The following YAP1 variants were observed in gnomAD, a reference collection of about 807,000 sequenced individuals.
The protein encoded by YAP1 is transcriptional coactivator YAP1.
Under a neutral mutation model 56.9 loss-of-function variants are expected in YAP1, and 5 were observed. That is an observed-to-expected ratio of 0.09 (90% confidence interval 0.05 to 0.18). The LOEUF is 0.18. YAP1 is among the 10% of genes least tolerant of loss of function. YAP1 has a pLI of 1.00. For synonymous variants in YAP1, 265 were observed against 248.1 expected (o/e 1.07, Z -0.64); for missense variants, 539 against 651.8 (o/e 0.83, Z 1.88).
intron 4 of YAP1, among the ~76,000 whole-genome samples, chr11:102,192,782 T>C (rs1475904775): frequency 6.6e-6 from 1 of 152,246 alleles, no homozygotes; most frequent in Admixed American, 6.5e-5. Context: ...TTTTGAACTA[T>C]TTATTGCACC....
chr11:102,169,550 A>G (rs1364615279), intron 3 of YAP1, among the ~76,000 whole-genome samples: 1 of 152,262 alleles, frequency 6.6e-6, no homozygotes, highest in Non-Finnish European at 1.5e-5. Flanking sequence ...GCCCAAAGTC[A>G]GAGCAATGAA....
At chr11:102,199,862 A>T (rs370238285) in intron 4 of YAP1, among the ~76,000 whole-genome samples, 3 of 152,352 alleles carry the variant, frequency 2.0e-5, no homozygotes. Context: ...GCCCTGGCCT[A>T]GGACAATGTT....
chr11:102,122,138 G>T (rs10895259), intron 2 of YAP1, among the ~76,000 whole-genome samples: 57,595 of 151,950 alleles, frequency 0.38, 11,142 homozygotes, highest in Admixed American at 0.45. Flanking sequence ...AGAGAAAGGG[G>T]GCCTGGCGCA....
At chr11:102,198,426 T>G (rs981438845) in intron 4 of YAP1, among the ~76,000 whole-genome samples, 4 of 152,242 alleles carry the variant, frequency 2.6e-5, no homozygotes, top group African/African-American at 7.2e-5. Context: ...TCACCAAGAA[T>G]GTATGTTATT....
chr11:102,219,197 A>G (rs1949803214), intron 6 of YAP1, among the ~76,000 whole-genome samples: 1 of 152,158 alleles, frequency 6.6e-6, no homozygotes, highest in Non-Finnish European at 1.5e-5. Context: ...GGAGTCTATA[A>G]TTTTATTCAT....
intron 3 of YAP1, 28 bp from the exon 4 acceptor site, chr11:102,185,990 G>A (rs753039074): frequency 2.7e-6 from 4 of 1,490,142 alleles, no homozygotes; most frequent in East Asian, 4.8e-5. Context: ...TAAAAACCAT[G>A]ATTTTTTTTT....
intron 3 of YAP1, among the ~76,000 whole-genome samples, chr11:102,166,540 T>A (rs960366821): frequency 6.6e-6 from 1 of 152,210 alleles, no homozygotes; most frequent in Admixed American, 6.5e-5. Context: ...TGTGAGAGCA[T>A]GTAAGTAAAT....
chr11:102,205,416 T>A (rs1275294711), intron 4 of YAP1, among the ~76,000 whole-genome samples: 1 of 152,216 alleles, frequency 6.6e-6, no homozygotes, highest in African/African-American at 2.4e-5. Flanking sequence ...GTAATGAATT[T>A]GCATCATTCA....
intron 2 of YAP1, among the ~76,000 whole-genome samples, chr11:102,137,688 A>G (rs1016327774): frequency 3.3e-5 from 5 of 152,058 alleles, no homozygotes; most frequent in Admixed American, 6.5e-5. Context: ...AACTATTAGC[A>G]CACACATGCT....
Position 102,162,568 on chromosome 11 carries a change from T to G in YAP1, c.685T>G (p.Ser229Ala). Residue 229 changes from serine to alanine, a missense_variant, in exon 3 of 9, where the codon TCA (serine) becomes GCA (alanine). Physicochemically the swap from Ser to Ala is moderately conservative, Grantham distance 99 (BLOSUM62 1). Coordinates refer to ENST00000282441, the MANE Select transcript of YAP1 (RefSeq NM_001130145.3). ...GCAGCAGAATATGATGAACTCGGCTTCAGGTGAGTGAGACACTGTAATTAC... is the reference window on the plus strand; with the variant it reads ...GCAGCAGAATATGATGAACTCGGCTGCAGGTGAGTGAGACACTGTAATTAC... ...PVQQNMMNSA[S>A]GPLPDGWEQA... 6.2e-7 allele frequency: 1 copy of G among 1,613,980 alleles called. No homozygotes were observed. Among genetic ancestry groups the G allele is most frequent in the Non-Finnish European group, 8.5e-7 (1 of 1,179,830 alleles).
chr11:102,221,767 G>GTA (rs1361678877), intron 6 of YAP1, among the ~76,000 whole-genome samples: 1 of 151,546 alleles, frequency 6.6e-6, no homozygotes, highest in Non-Finnish European at 1.5e-5. Context: ...ATCTTATAAC[G>GTA]TAACTACTGT....
At chr11:102,180,802 T>A (rs944319332) in intron 3 of YAP1, among the ~76,000 whole-genome samples, 3 of 151,886 alleles carry the variant, frequency 2.0e-5, no homozygotes, top group Non-Finnish European at 4.4e-5. Flanking sequence ...TTCATCTGTA[T>A]TGAGGAAGTG....
At chr11:102,150,428 C>T (rs1426232386) in intron 2 of YAP1, among the ~76,000 whole-genome samples, 1 of 152,046 alleles carries the variant, frequency 6.6e-6, no homozygotes, top group African/African-American at 2.4e-5. Flanking sequence ...AAAGTGATGA[C>T]GTAGTGCTTA....
At chr11:102,186,324 AT>A in intron 4 of YAP1, 193 bp downstream of exon 4, 1 of 588,192 alleles carries the variant, frequency 1.7e-6, no homozygotes, top group Non-Finnish European at 2.8e-6. Flanking sequence ...TCTGAATCAG[AT>A]TTTTAGGGCT....
At chr11:102,178,635 A>G (rs1326125290) in intron 3 of YAP1, among the ~76,000 whole-genome samples, 2 of 152,200 alleles carry the variant, frequency 1.3e-5, no homozygotes, top group African/African-American at 2.4e-5. Flanking sequence ...TAAATCTTAC[A>G]TAAAAACTCG....
At chr11:102,214,000 T>G (rs566743096) in intron 6 of YAP1, among the ~76,000 whole-genome samples, 1 of 151,992 alleles carries the variant, frequency 6.6e-6, no homozygotes, top group Non-Finnish European at 1.5e-5. Context: ...ATGGCCTGAG[T>G]CTGGGAGGCA....
chr11:102,175,097 C>T (rs1947159443), intron 3 of YAP1, among the ~76,000 whole-genome samples: 1 of 152,108 alleles, frequency 6.6e-6, no homozygotes, highest in Non-Finnish European at 1.5e-5. Flanking sequence ...GATTAGCCAC[C>T]AACCACTCTT....
rs550178178 is a variant in YAP1, at chr11:102,225,226, G to A, written c.1163+1474G>A. Among the ~76,000 whole-genome samples, 17 of 151,488 alleles carry A rather than the reference G, an allele frequency of 1.1e-4. 1 individual carries two copies. Among genetic ancestry groups the A allele is most frequent in the Admixed American group, 9.2e-4 (14 of 15,240 alleles). On this transcript the variant is annotated intron_variant, in intron 7 of 8. Transcript: ENST00000282441. ...TGGCTGGGCATGATGGCTCATGCCT[G>A]TAATCCCAGCACTTTGGGAGGCCAA...
intron 3 of YAP1, among the ~76,000 whole-genome samples, chr11:102,183,588 A>G (rs919329964): frequency 2.0e-5 from 3 of 152,112 alleles, no homozygotes; most frequent in African/African-American, 7.2e-5. Context: ...CGGAGAGAAT[A>G]TAAGTGGAAT....
Sources: gnomAD v4.1 joint callset for allele counts (sites outside exome capture counted in the v4.1 genomes callset) on GRCh38, gnomAD v4.1.1 for gene constraint, MANE v1.5 for transcripts, NCBI Gene and HGNC (gene_info 2026-07-23, HGNC 2026-07-21) for gene names.